The following TBC1D14 variants were observed in gnomAD, a reference collection of about 807,000 sequenced individuals.
TBC1D14 encodes the protein TBC1 domain family member 14.
In TBC1D14, 26 loss-of-function variants were observed where a neutral mutation model predicts 79.0. The ratio of observed to expected loss-of-function variants is 0.33; its 90% CI spans 0.24 to 0.46. TBC1D14 has a LOEUF of 0.46. Ranked by LOEUF, TBC1D14 falls within the 20% of genes least tolerant of loss-of-function variation. TBC1D14 has a pLI of 1.00. For missense variants in TBC1D14, 769 were observed against 887.6 expected (o/e 0.87, Z 1.70); for synonymous variants, 394 against 349.9 (o/e 1.13, Z -1.40).
In TBC1D14 at chr4:6,970,401, T is replaced by TAC. The variant is rs1716117787; in HGVS notation, c.843+2984_843+2985dup. Reference sequence around the variant, plus strand: ...TGGTGGTGAGGATTAAACGGGTGAATACACACACGCACTCAGAATAGTAGT... The same window carrying TAC: ...TGGTGGTGAGGATTAAACGGGTGAATACACACACACGCACTCAGAATAGTAGT... On this transcript the variant is annotated intron_variant, in intron 3 of 13. Coordinates refer to ENST00000409757, the MANE Select transcript of TBC1D14 (RefSeq NM_020773.3). Among the ~76,000 whole-genome samples the TAC allele has an allele frequency of 3.3e-5, 5 of 152,212 alleles. No homozygotes were observed. In the South Asian group the frequency reaches 1.0e-3, roughly 32 times the overall value.
chr4:7,016,412 T>A (rs1383722678), intron 12 of TBC1D14, among the ~76,000 whole-genome samples: 2 of 152,212 alleles, frequency 1.3e-5, no homozygotes, highest in African/African-American at 4.8e-5. Flanking sequence ...CCGTGTGCAT[T>A]TGACTGCGAG....
chr4:6,933,462 A>G (rs1349962471), intron 2 of TBC1D14, among the ~76,000 whole-genome samples: 2 of 151,314 alleles, frequency 1.3e-5, no homozygotes, highest in Non-Finnish European at 2.9e-5. Context: ...GCGCCATCAC[A>G]CACAGCTAAC....
At chr4:7,008,970 C>T (rs1473972990) in intron 9 of TBC1D14, among the ~76,000 whole-genome samples, 2 of 152,064 alleles carry the variant, frequency 1.3e-5, no homozygotes, top group Admixed American at 6.6e-5. Flanking sequence ...GGCATTTTTA[C>T]CCTCTCATTG....
At chr4:6,925,284 A>G (rs66841627) in intron 2 of TBC1D14, among the ~76,000 whole-genome samples, 13,810 of 152,194 alleles carry the variant, frequency 0.091, 818 homozygotes, top group Middle Eastern at 0.16. Flanking sequence ...CAAACAAACA[A>G]AAAAAGAATC....
At chr4:6,997,213 TC>T (rs1175565990) in intron 5 of TBC1D14, 1 of 152,240 alleles carries the variant, frequency 6.6e-6, no homozygotes, top group Non-Finnish European at 1.5e-5. Flanking sequence ...GTAGCTGCAC[TC>T]CCCTGCTAGA....
chr4:6,938,750 C>T (rs934840445), intron 2 of TBC1D14, among the ~76,000 whole-genome samples: 3 of 152,218 alleles, frequency 2.0e-5, no homozygotes, highest in Admixed American at 6.5e-5. Context: ...TCGTGGATCC[C>T]GCATTCACCC....
intron 3 of TBC1D14, among the ~76,000 whole-genome samples, chr4:6,981,181 C>G (rs1029373373): frequency 3.3e-5 from 5 of 152,056 alleles, no homozygotes; most frequent in Non-Finnish European, 7.4e-5. Flanking sequence ...TGTACCACCA[C>G]GCCCAGCTAA....
At chr4:6,958,162 T>A (rs1353514661) in intron 2 of TBC1D14, among the ~76,000 whole-genome samples, 1 of 152,112 alleles carries the variant, frequency 6.6e-6, no homozygotes, top group African/African-American at 2.4e-5. Flanking sequence ...CAGGTGTGGG[T>A]CAGGCATGAG....
rs908581121 is a variant in TBC1D14 at position 6,960,416 on chromosome 4, T to C, written c.723-6888T>C. 3.3e-5 allele frequency among the ~76,000 whole-genome samples: 5 copies of C among 152,136 alleles called. No individual in the cohort carries two copies. In the East Asian group the frequency reaches 9.6e-4, roughly 29 times the overall value. ...CTACCCCGTGCCTTTTGCTACCCAA[T>C]ATCCTGCTCCAGAAGCAATGAATAT... On this transcript the variant is annotated intron_variant, in intron 2 of 13. Transcript: ENST00000409757.
Position 6,921,041 on chromosome 4 carries a change from G to A in TBC1D14, c.-17-2332G>A, listed in dbSNP as rs1001252601. On this transcript the variant is annotated intron_variant, in intron 1 of 13. Coordinates refer to ENST00000409757, the MANE Select transcript of TBC1D14 (RefSeq NM_020773.3). ...GTGATCCACCTGCTTCGGCCTCCCA[G>A]TGTGCTGGGATTACAGGCGTGAGCC... 3.3e-5 allele frequency among the ~76,000 whole-genome samples: 5 copies of A among 152,156 alleles called. No homozygotes were observed. In the South Asian group the frequency reaches 8.3e-4, roughly 25 times the overall value.
chr4:6,920,123 A>C (rs367835889), intron 1 of TBC1D14, among the ~76,000 whole-genome samples: 1 of 152,224 alleles, frequency 6.6e-6, no homozygotes, highest in South Asian at 2.1e-4. Flanking sequence ...TGTGTTGCCC[A>C]GGCTGAATCA....
intron 2 of TBC1D14, among the ~76,000 whole-genome samples, chr4:6,927,541 C>G (rs1724389601): frequency 1.3e-5 from 2 of 152,182 alleles, no homozygotes; most frequent in South Asian, 4.1e-4. Flanking sequence ...AATACTTTTT[C>G]TAAAGCTTTC....
chr4:6,949,287 A>G (rs1713792185), intron 2 of TBC1D14, among the ~76,000 whole-genome samples: 1 of 152,086 alleles, frequency 6.6e-6, no homozygotes, highest in Non-Finnish European at 1.5e-5. Flanking sequence ...TTTCATTTCT[A>G]TATAGATTTT....
At chr4:7,012,965 AAATTT>A (rs1720920207) in intron 11 of TBC1D14, among the ~76,000 whole-genome samples, 1 of 152,220 alleles carries the variant, frequency 6.6e-6, no homozygotes, top group Admixed American at 6.5e-5. Context: ...TCCTGCATGT[AAATTT>A]AATTTTATCT....
At chr4:6,987,247 C>T in intron 3 of TBC1D14, 1 of 1,249,626 alleles carries the variant, frequency 8.0e-7, no homozygotes, top group Non-Finnish European at 1.0e-6. Flanking sequence ...GCCGCCGCGT[C>T]CGCCCGCCCG....
rs147113372 is a variant in TBC1D14 at position 7,009,026 on chromosome 4, T to C, written c.1447-851T>C. On this transcript the variant is annotated intron_variant, in intron 9 of 13. Transcript: ENST00000409757. Reference sequence around the variant, plus strand: ...CTGTGATTTGGAACTGTCTTTTCTTTTACTTAGCTCTTTTCACATGCTAGA... The same window carrying C: ...CTGTGATTTGGAACTGTCTTTTCTTCTACTTAGCTCTTTTCACATGCTAGA... Among the ~76,000 whole-genome samples, 183 of 152,358 alleles carry C rather than the reference T, an allele frequency of 1.2e-3. 1 individual carries two copies. Among genetic ancestry groups the C allele is most frequent in the African/African-American group, 4.2e-3 (175 of 41,586 alleles).
rs1718793588 is a variant in TBC1D14, at chr4:6,994,303, G to A, written c.962+1G>A. On this transcript the variant is annotated splice_donor_variant, in intron 4 of 13. Coordinates refer to ENST00000409757, the MANE Select transcript of TBC1D14 (RefSeq NM_020773.3). LOFTEE classifies it high-confidence loss of function. The stretch of plus-strand genomic sequence containing the variant: ...CACTCATCCTCGAGGACAGACCAGC[G>A]TGAGTTTAAGAAGACTCTCTTTAGA... 2 of 1,613,080 alleles carry A rather than the reference G, an allele frequency of 1.2e-6. No homozygotes were observed. The highest frequency in any genetic ancestry group is 1.7e-6 in the Non-Finnish European group (2 of 1,179,068).
At chr4:6,927,128 C>T (rs376797830) in intron 2 of TBC1D14, among the ~76,000 whole-genome samples, 18 of 152,290 alleles carry the variant, frequency 1.2e-4, no homozygotes, top group South Asian at 2.1e-4. Context: ...AGCGCAGGCC[C>T]GGCTTGCATT....
At chr4:7,011,318 G>A (rs181575562) in intron 11 of TBC1D14, among the ~76,000 whole-genome samples, 4 of 142,494 alleles carry the variant, frequency 2.8e-5, no homozygotes, top group Middle Eastern at 3.5e-3. Flanking sequence ...AGTGGGAGGC[G>A]GTGACAGTGG....
Sources: gnomAD v4.1 joint callset for allele counts (sites outside exome capture counted in the v4.1 genomes callset) on GRCh38, gnomAD v4.1.1 for gene constraint, MANE v1.5 for transcripts, NCBI Gene and HGNC (gene_info 2026-07-23, HGNC 2026-07-21) for gene names.